Variants in TBX1 observed in about 807,000 individuals in gnomAD.
TBX1 encodes the protein T-box transcription factor TBX1.
TBX1 carries 16 observed loss-of-function variants against 40.8 expected under a neutral mutation model. The ratio of observed to expected loss-of-function variants is 0.39; its 90% CI spans 0.27 to 0.60. The LOEUF is 0.60. Ranked by LOEUF, TBX1 falls within the 20% of genes least tolerant of loss-of-function variation. TBX1 has a pLI of 0.51. For synonymous variants in TBX1, 403 were observed against 336.8 expected, an observed-to-expected ratio of 1.20 and a Z score of -2.15; for missense variants, 755 against 728.5, an observed-to-expected ratio of 1.04 and a Z score of -0.42.
upstream of TBX1, among the ~76,000 whole-genome samples, chr22:19,756,970 G>A (rs1209184454): frequency 6.6e-6 from 1 of 152,154 alleles, no homozygotes; most frequent in Non-Finnish European, 1.5e-5. Flanking sequence ...GGGAGGGTCG[G>A]AGGAGCCCTA....
chr22:19,756,851 G>A (rs528359488), upstream of TBX1: 5 of 152,880 alleles, frequency 3.3e-5, no homozygotes, highest in South Asian at 1.8e-4. Context: ...CGCTCCCTCC[G>A]GGCTGCGGGA....
In TBX1 at chr22:19,767,142, GC is replaced by G; in HGVS notation, c.*278del. On this transcript the variant is annotated 3_prime_UTR_variant, in exon 7 of 7. Transcript: ENST00000649276. ...GGTCCCCGCCCGCCAGTGCCAAAGC[GC>G]CCGGTCGGAGGCGGAAGGAAGTGAT... 8.0e-7 allele frequency: 1 copy of G among 1,245,176 alleles called. No individual in the cohort carries two copies. Among genetic ancestry groups the G allele is most frequent in the Non-Finnish European group, 1.0e-6 (1 of 994,792 alleles). The allele number at this position is 1,245,176 out of a possible 1,614,324, so 77.1% of individuals were successfully genotyped here. A position where few individuals can be genotyped will look rare whatever the true frequency, so the allele number is the denominator to read the frequency against.
chr22:19,774,060 T>C (rs1950188968), intron 8 of TBX1, among the ~76,000 whole-genome samples: 1 of 152,122 alleles, frequency 6.6e-6, no homozygotes, highest in Non-Finnish European at 1.5e-5. Context: ...TGGATATCCA[T>C]TAGGATGATG....
rs186375883 is a variant in TBX1 at position 19,779,178 on chromosome 22, A to G, written c.1010-42A>G. The G allele has an allele frequency of 1.8e-5, 29 of 1,610,634 alleles. No homozygotes were observed. In the Admixed American group the frequency reaches 4.2e-4, roughly 23 times the overall value. ...GCAAGAAAAGAGAGGCACCTCTGAC[A>G]TGGTACTTCATCCACTCTCATTGGA... On this transcript the variant is annotated intron_variant, in intron 8 of 8. Transcript: ENST00000329705.
intron 4 of TBX1, 42 bp from the exon 5 acceptor site, chr22:19,765,716 C>T: frequency 2.5e-6 from 4 of 1,608,788 alleles, no homozygotes; most frequent in Non-Finnish European, 3.4e-6. Context: ...GTGGCCCAGG[C>T]TGCAGGGCTC....
At chr22:19,770,086 T>TC (rs1936963597), downstream of TBX1, among the ~76,000 whole-genome samples, 2 of 151,972 alleles carry the variant, frequency 1.3e-5, no homozygotes, top group Admixed American at 1.3e-4. Flanking sequence ...CTGTTGGACT[T>TC]CCCCCAAACA....
rs754416536 is a variant in TBX1 at position 19,766,693 on chromosome 22, G to C, written c.1341G>C (p.Leu447=). The C allele has an allele frequency of 1.3e-6, 2 of 1,547,776 alleles. No individual in the cohort carries two copies. The highest frequency in any genetic ancestry group is 1.7e-6 in the Non-Finnish European group (2 of 1,155,732). Residue 447 remains leucine (L), a synonymous_variant, in exon 7 of 7, where the codon CTG becomes CTC. Transcript: ENST00000649276. ...GAKSRPAPYP[L]PGLRGHGYHP... is the part of the protein sequence containing the mutation. Reference sequence around the variant, plus strand: ...AGAGCCGGCCGGCGCCCTACCCGCTGCCCGGCCTGCGTGGCCACGGCTACC... The same window carrying C: ...AGAGCCGGCCGGCGCCCTACCCGCTCCCCGGCCTGCGTGGCCACGGCTACC...
exon 9 of TBX1, chr22:19,779,256 A>AGAC: frequency 6.2e-7 from 1 of 1,614,244 alleles, no homozygotes; most frequent in East Asian, 2.2e-5. Flanking sequence ...GTGAAAGCTG[A>AGAC]GACGTCTAGG....
Position 19,766,961 on chromosome 22 carries a change from TC to T in TBX1, c.*99del. ...CCCCAAGGGCAAGCAAGGAATACGT[TC>T]CCCCAGCCCCAGGGGCCACCGCGGC... is the stretch of plus-strand genomic sequence containing the variant. On this transcript the variant is annotated 3_prime_UTR_variant, in exon 7 of 7. Transcript: ENST00000649276. 1 of 1,504,126 alleles carries T rather than the reference TC, an allele frequency of 6.6e-7. No individual in the cohort carries two copies. The highest frequency in any genetic ancestry group is 8.8e-7 in the Non-Finnish European group (1 of 1,134,256). 93.2% of individuals were successfully genotyped at this position (1,504,126 alleles called of 1,614,324 possible).
At chr22:19,759,215 G>A (rs1261481570), upstream of TBX1, among the ~76,000 whole-genome samples, 3 of 152,238 alleles carry the variant, frequency 2.0e-5, no homozygotes, top group South Asian at 2.1e-4. Flanking sequence ...TTCAAGGGGC[G>A]TTGGTCATGG....
rs975131426 is a variant in TBX1, at chr22:19,760,931, C to A, written c.88C>A (p.Leu30Met). The A allele has an allele frequency of 7.8e-6, 8 of 1,024,376 alleles. No homozygotes were observed. The highest frequency in any genetic ancestry group is 5.2e-5 in the Admixed American group (1 of 19,116). 63.5% of individuals were successfully genotyped at this position (1,024,376 alleles called of 1,614,324 possible). ...CTTCACGGCCAGCAGCCTGAGCAGC[C>A]TGGGGGCCGCGGGGGGCTTCCCGGG... ...AAFTASSLSS[L>M]GAAGGFPGAA... The change falls in exon 1 of 7, where the codon CTG (leucine) becomes ATG (methionine). Residue 30 changes from leucine to methionine, a missense_variant. Physicochemically the swap from Leu to Met is conservative, Grantham distance 15 (BLOSUM62 2). This residue lies in a region of TBX1 where 199 missense variants were observed against 173.0 expected (regional missense o/e 1.15). Coordinates refer to ENST00000649276, the MANE Select transcript of TBX1 (RefSeq NM_001379200.1).
At chr22:19,766,078 C>T in intron 6 of TBX1, 76 bp downstream of exon 6, 2 of 1,256,866 alleles carry the variant, frequency 1.6e-6, no homozygotes, top group South Asian at 3.8e-5. Context: ...CGCCCGACCT[C>T]GCCTGCGCCC....
upstream of TBX1, among the ~76,000 whole-genome samples, chr22:19,760,297 G>C (rs1489679895): frequency 2.7e-5 from 4 of 148,338 alleles, no homozygotes; most frequent in Non-Finnish European, 4.5e-5. Flanking sequence ...GAAAGACAAA[G>C]AATGATTAAA....
intron 8 of TBX1, among the ~76,000 whole-genome samples, chr22:19,774,935 G>A (rs989645146): frequency 4.6e-5 from 7 of 152,112 alleles, no homozygotes; most frequent in African/African-American, 1.7e-4. Context: ...CTTCAACATG[G>A]TCACAATGGC....
chr22:19,777,758 A>ATTT (rs55676186), intron 8 of TBX1, among the ~76,000 whole-genome samples: 5 of 129,730 alleles, frequency 3.9e-5, no homozygotes, highest in Admixed American at 1.6e-4. Context: ...GTTACTCTTA[A>ATTT]TTTTTTTTTT....
intron 1 of TBX1, among the ~76,000 whole-genome samples, chr22:19,761,946 G>A (rs1936680943): frequency 6.6e-6 from 1 of 152,218 alleles, no homozygotes; most frequent in South Asian, 2.1e-4. Context: ...AAGTTTTGCA[G>A]ATGCACCCGA....
Position 19,760,796 on chromosome 22 carries a change from G to A in TBX1, c.-48G>A. ...GCCCGCCACTCGGCCCGCGGCGCGG[G>A]GCAGCGCTCAGCTTGGTGGCGGGGG... On this transcript the variant is annotated 5_prime_UTR_variant, in exon 1 of 7. Transcript: ENST00000649276. 1.7e-6 allele frequency: 1 copy of A among 585,432 alleles called. No homozygotes were observed. The highest frequency in any genetic ancestry group is 2.1e-6 in the Non-Finnish European group (1 of 467,276). 36.3% of individuals were successfully genotyped at this position (585,432 alleles called of 1,614,324 possible). A position where few individuals can be genotyped will look rare whatever the true frequency, so the allele number is the denominator to read the frequency against.
At chr22:19,761,742 G>A (rs1216957703) in intron 1 of TBX1, among the ~76,000 whole-genome samples, 3 of 152,238 alleles carry the variant, frequency 2.0e-5, no homozygotes, top group African/African-American at 7.2e-5. Flanking sequence ...GATAAAGAGC[G>A]GCAGCCGGGC....
At chr22:19,758,253 T>C (rs942092479), upstream of TBX1, among the ~76,000 whole-genome samples, 5 of 152,064 alleles carry the variant, frequency 3.3e-5, no homozygotes, top group Admixed American at 2.0e-4. Flanking sequence ...TGCAATGAGG[T>C]TGTATACAGA....
Sources: gnomAD v4.1 joint callset for allele counts (sites outside exome capture counted in the v4.1 genomes callset) on GRCh38, gnomAD v4.1.1 for gene constraint, gnomAD v4.1.1 regional missense constraint, MANE v1.5 for transcripts, NCBI Gene and HGNC (gene_info 2026-07-23, HGNC 2026-07-21) for gene names.